Variants in TSPAN9 observed in about 807,000 individuals in gnomAD.
TSPAN9 encodes the protein tetraspanin-9.
In TSPAN9, 16 loss-of-function variants were observed where a neutral mutation model predicts 31.0. The observed-to-expected ratio is 0.52, with a 90% CI of 0.35 to 0.78. The LOEUF (loss-of-function observed/expected upper bound fraction) is 0.78, where lower values mean the gene tolerates loss of function less well. TSPAN9 is among the 30% of genes least tolerant of loss of function. The pLI is 0.01. For missense variants in TSPAN9, 272 were observed against 312.5 expected (o/e 0.87, Z 0.98); for synonymous variants, 145 against 121.6 (o/e 1.19, Z -1.27).
At chr12:3,085,413 A>G (rs11614783) in intron 2 of TSPAN9, among the ~76,000 whole-genome samples, 39,371 of 150,870 alleles carry the variant, frequency 0.26, 5,570 homozygotes, top group South Asian at 0.39. Context: ...TATCTAGATG[A>G]CCGTCTTTCC....
At chr12:3,191,263 C>T (rs1233827445) in intron 2 of TSPAN9, among the ~76,000 whole-genome samples, 1 of 144,478 alleles carries the variant, frequency 6.9e-6, no homozygotes, top group Non-Finnish European at 1.6e-5. Flanking sequence ...CATCCAGGGT[C>T]ATCTGTGCTC....
At chr12:3,217,117 T>C (rs1255171630) in intron 3 of TSPAN9, among the ~76,000 whole-genome samples, 2 of 152,242 alleles carry the variant, frequency 1.3e-5, no homozygotes, top group African/African-American at 2.4e-5. Context: ...TTCTTTGGTG[T>C]TCCCAGGCTG....
intron 1 of TSPAN9, among the ~76,000 whole-genome samples, chr12:3,083,117 A>T (rs761052576): frequency 2.8e-4 from 42 of 152,204 alleles, no homozygotes; most frequent in Non-Finnish European, 5.4e-4. Flanking sequence ...TTCTCACTTG[A>T]TGGCCATTTT....
At position 3,141,486 on chromosome 12, in the gene TSPAN9, A is replaced by G. The variant is rs181872411; in HGVS notation, c.-18+57767A>G. Reference sequence around the variant, plus strand: ...CGGGCCCTGCTCCTCTGAGGCCCACACATCTTTCTAGGGCCAGCAGGAGTC... The same window carrying G: ...CGGGCCCTGCTCCTCTGAGGCCCACGCATCTTTCTAGGGCCAGCAGGAGTC... On this transcript the variant is annotated intron_variant, in intron 2 of 8. Coordinates refer to ENST00000011898, the MANE Select transcript of TSPAN9 (RefSeq NM_006675.5). 1.6e-4 allele frequency among the ~76,000 whole-genome samples: 25 copies of G among 152,150 alleles called. 1 individual carries two copies. The East Asian group carries it at 4.9e-3, about 30-fold the overall frequency.
intron 2 of TSPAN9, among the ~76,000 whole-genome samples, chr12:3,198,691 G>C (rs1440139563): frequency 3.8e-4 from 22 of 58,040 alleles, no homozygotes; most frequent in African/African-American, 1.5e-3. Context: ...ACCAGCACAG[G>C]TCACCACCAG....
chr12:3,130,212 A>G (rs1436968466), intron 2 of TSPAN9, among the ~76,000 whole-genome samples: 1 of 152,220 alleles, frequency 6.6e-6, no homozygotes, highest in Non-Finnish European at 1.5e-5. Context: ...GTGCCAGCGC[A>G]CTGGCAGGAT....
At chr12:3,221,968 G>A (rs2153975033) in intron 3 of TSPAN9, among the ~76,000 whole-genome samples, 1 of 152,338 alleles carries the variant, frequency 6.6e-6, no homozygotes, top group South Asian at 2.1e-4. Context: ...AGATACCTGA[G>A]CACCTAATTA....
In TSPAN9 at chr12:3,086,776, T is replaced by C. The variant is rs111291711; in HGVS notation, c.-18+3057T>C. Among the ~76,000 whole-genome samples the C allele has an allele frequency of 3.5e-3, 538 of 152,350 alleles. 4 individuals carry two copies. The highest frequency in any genetic ancestry group is 0.012 in the African/African-American group (488 of 41,578). Reference sequence around the variant, plus strand: ...TGCGAAATTTGAAAAATGGCCCTTCTTCAGGTTACAAGCAAAAATTAAAGT... The same window carrying C: ...TGCGAAATTTGAAAAATGGCCCTTCCTCAGGTTACAAGCAAAAATTAAAGT... On this transcript the variant is annotated intron_variant, in intron 2 of 8. Transcript: ENST00000011898.
chr12:3,153,132 C>T (rs1265614485), intron 2 of TSPAN9, among the ~76,000 whole-genome samples: 1 of 152,218 alleles, frequency 6.6e-6, no homozygotes, highest in East Asian at 1.9e-4. Flanking sequence ...TGATTTGTGA[C>T]ACCTTTTCCT....
chr12:3,098,795 G>A (rs2098310424), intron 2 of TSPAN9, among the ~76,000 whole-genome samples: 1 of 147,406 alleles, frequency 6.8e-6, no homozygotes, highest in African/African-American at 2.5e-5. Context: ...CTGTTGCCCA[G>A]CCTGGAGTGC....
At chr12:3,086,507 A>G (rs748660385) in intron 2 of TSPAN9, among the ~76,000 whole-genome samples, 2 of 152,186 alleles carry the variant, frequency 1.3e-5, no homozygotes, top group East Asian at 3.9e-4. Context: ...AATGGTCATC[A>G]TTTTTAGAAC....
chr12:3,245,209 G>A (rs617123), intron 3 of TSPAN9, among the ~76,000 whole-genome samples: 134,295 of 152,154 alleles, frequency 0.88, 60,804 homozygotes, highest in Non-Finnish European at 1. Flanking sequence ...GTGAGCAGGT[G>A]CCTGGACCAA....
rs1426241959 is a variant in TSPAN9 at position 3,121,533 on chromosome 12, C to CGTTTTTTTTTTTTTTTTTTTT, written c.-18+37814_-18+37815insGTTTTTTTTTTTTTTTTTTTT. Among the ~76,000 whole-genome samples, 2 of 92,926 alleles carry CGTTTTTTTTTTTTTTTTTTTT rather than the reference C, an allele frequency of 2.2e-5. 1 individual carries two copies. Among genetic ancestry groups the CGTTTTTTTTTTTTTTTTTTTT allele is most frequent in the Non-Finnish European group, 3.9e-5 (2 of 50,784 alleles). 61.0% of individuals were successfully genotyped at this position (92,926 alleles called of 152,430 possible). A position where few individuals can be genotyped will look rare whatever the true frequency, so the allele number is the denominator to read the frequency against. On this transcript the variant is annotated intron_variant, in intron 2 of 8. Coordinates refer to ENST00000011898, the MANE Select transcript of TSPAN9 (RefSeq NM_006675.5). Reference sequence around the variant, plus strand: ...TGCCACCATATCTGGCTAATTAAAACTTTTTTTTTTTTTTTTTTTTTTTTT... The same window carrying CGTTTTTTTTTTTTTTTTTTTT: ...TGCCACCATATCTGGCTAATTAAAACGTTTTTTTTTTTTTTTTTTTTTTTTTTTTTTTTTTTTTTTTTTTTT...
chr12:3,110,121 G>GC (rs1232040126), intron 2 of TSPAN9, among the ~76,000 whole-genome samples: 1 of 51,398 alleles, frequency 1.9e-5, no homozygotes, highest in African/African-American at 2.2e-4. Context: ...GCACAAGACC[G>GC]GGAGTGGGCT....
intron 2 of TSPAN9, among the ~76,000 whole-genome samples, chr12:3,092,759 G>A (rs2098305516): frequency 6.6e-6 from 1 of 152,240 alleles, no homozygotes; most frequent in African/African-American, 2.4e-5. Flanking sequence ...GGACAAGGAT[G>A]GTCCTTCCCT....
intron 2 of TSPAN9, among the ~76,000 whole-genome samples, chr12:3,104,292 G>A (rs1261284590): frequency 2.0e-5 from 3 of 152,080 alleles, no homozygotes; most frequent in African/African-American, 4.8e-5. Flanking sequence ...GGATTGCTGT[G>A]GCTGCTCGGT....
At chr12:3,079,662 A>C (rs1294793391) in intron 1 of TSPAN9, among the ~76,000 whole-genome samples, 4 of 151,742 alleles carry the variant, frequency 2.6e-5, no homozygotes, top group Admixed American at 1.3e-4. Flanking sequence ...GAGTTTCGCC[A>C]TGTTGGCCAG....
intron 3 of TSPAN9, chr12:3,272,931 A>G (rs909628867): frequency 1.3e-5 from 2 of 152,314 alleles, no homozygotes; most frequent in African/African-American, 4.8e-5. Context: ...AGCTAACTAC[A>G]AGACTTAACA....
Position 3,201,205 on chromosome 12 carries a change from C to G in TSPAN9, c.12C>G (p.Gly4=), listed in dbSNP as rs1159339672. The part of the protein sequence containing the change: MAR[G]CLCCLKYMMF... The stretch of plus-strand genomic sequence containing the variant: ...TTAAGAAGTGCAACATGGCCAGGGG[C>G]TGCCTCTGCTGCTTGAAGTACATGA... The change falls in exon 3 of 9, where the codon GGC becomes GGG. Residue 4 remains glycine, a synonymous_variant. Transcript: ENST00000011898. 1 of 1,614,168 alleles carries G rather than the reference C, an allele frequency of 6.2e-7. No homozygotes were observed. Among genetic ancestry groups the G allele is most frequent in the South Asian group, 1.1e-5 (1 of 91,086 alleles).
Sources: allele counts gnomAD v4.1 joint callset (sites outside exome capture counted in the v4.1 genomes callset), GRCh38; gene constraint gnomAD v4.1.1; transcripts MANE v1.5; gene names NCBI Gene and HGNC (gene_info 2026-07-23, HGNC 2026-07-21).